Variants in SERGEF observed in about 807,000 individuals in gnomAD.
SERGEF encodes the protein secretion regulating guanine nucleotide exchange factor.
SERGEF carries 51 observed loss-of-function variants against 50.0 expected under a neutral mutation model. The ratio of observed to expected loss-of-function variants is 1.02; its 90% CI spans 0.81 to 1.29. SERGEF has a LOEUF of 1.29. SERGEF is among the 50% of genes most tolerant of loss of function. SERGEF has a pLI of 0.00. For synonymous variants in SERGEF, 205 were observed against 212.4 expected, an observed-to-expected ratio of 0.97 and a Z score of 0.30; for missense variants, 521 against 557.0, an observed-to-expected ratio of 0.94 and a Z score of 0.65.
At chr11:17,862,235 A>C (rs539796999) in intron 10 of SERGEF, among the ~76,000 whole-genome samples, 19 of 152,316 alleles carry the variant, frequency 1.2e-4, no homozygotes, top group African/African-American at 4.3e-4. Context: ...TTCAAGGATC[A>C]TCTCTTCTAA....
At chr11:17,865,101 G>A (rs766140901) in intron 10 of SERGEF, among the ~76,000 whole-genome samples, 1 of 152,126 alleles carries the variant, frequency 6.6e-6, no homozygotes, top group African/African-American at 2.4e-5. Flanking sequence ...GTCAACAACT[G>A]GACCATATAT....
chr11:17,932,491 G>C (rs942083694), intron 9 of SERGEF, among the ~76,000 whole-genome samples: 2 of 152,160 alleles, frequency 1.3e-5, no homozygotes, highest in African/African-American at 4.8e-5. Flanking sequence ...TTTTTGAAAG[G>C]ATGGAAAAAT....
chr11:17,908,733 C>A (rs182642180), intron 9 of SERGEF, among the ~76,000 whole-genome samples: 1 of 152,150 alleles, frequency 6.6e-6, no homozygotes, highest in East Asian at 1.9e-4. Flanking sequence ...GATGGGGGAG[C>A]CTTAATGAAT....
intron 10 of SERGEF, among the ~76,000 whole-genome samples, chr11:17,867,959 C>T (rs915384580): frequency 6.6e-6 from 1 of 152,146 alleles, no homozygotes; most frequent in Non-Finnish European, 1.5e-5. Flanking sequence ...CACCCTGGAC[C>T]CAGCCCAGAA....
At chr11:17,934,339 C>G (rs912323303) in intron 9 of SERGEF, among the ~76,000 whole-genome samples, 3 of 152,156 alleles carry the variant, frequency 2.0e-5, no homozygotes, top group African/African-American at 7.2e-5. Context: ...CTAAACCACC[C>G]CTCAAACAAT....
At chr11:17,917,020 G>T (rs1488802982) in intron 9 of SERGEF, among the ~76,000 whole-genome samples, 1 of 152,148 alleles carries the variant, frequency 6.6e-6, no homozygotes, top group Non-Finnish European at 1.5e-5. Flanking sequence ...ATTCCTTAAA[G>T]AACTAAAAGT....
chr11:17,997,653 A>G (rs1355669778), intron 5 of SERGEF, among the ~76,000 whole-genome samples: 2 of 152,246 alleles, frequency 1.3e-5, no homozygotes, highest in African/African-American at 4.8e-5. Context: ...ATGAATGGTA[A>G]GCAAAACGTG....
At chr11:17,963,054 C>T (rs1344415664) in intron 8 of SERGEF, among the ~76,000 whole-genome samples, 8 of 151,496 alleles carry the variant, frequency 5.3e-5, no homozygotes, top group African/African-American at 1.5e-4. Context: ...TGGTGGCCCA[C>T]GACCGTAGTC....
At chr11:17,905,583 C>A (rs1165016879) in intron 9 of SERGEF, among the ~76,000 whole-genome samples, 1 of 152,174 alleles carries the variant, frequency 6.6e-6, no homozygotes, top group Non-Finnish European at 1.5e-5. Context: ...CCCAGGGCTC[C>A]TTCTCTAATG....
At chr11:17,845,239 G>A (rs1438765641) in intron 10 of SERGEF, among the ~76,000 whole-genome samples, 1 of 151,990 alleles carries the variant, frequency 6.6e-6, no homozygotes, top group African/African-American at 2.4e-5. Flanking sequence ...TTTTTTTATA[G>A]CCTTAGCATA....
At chr11:17,949,897 T>C (rs1355166441) in intron 9 of SERGEF, among the ~76,000 whole-genome samples, 1 of 152,206 alleles carries the variant, frequency 6.6e-6, no homozygotes, top group Non-Finnish European at 1.5e-5. Flanking sequence ...GACATCATCC[T>C]TGTTAGCTAC....
At chr11:17,843,185 A>C (rs1850537133) in intron 10 of SERGEF, among the ~76,000 whole-genome samples, 1 of 152,172 alleles carries the variant, frequency 6.6e-6, no homozygotes, top group Non-Finnish European at 1.5e-5. Context: ...CCTGGGCCTC[A>C]GTGAGAACCT....
intron 7 of SERGEF, among the ~76,000 whole-genome samples, chr11:17,989,544 G>A (rs1044127052): frequency 3.3e-5 from 5 of 152,336 alleles, no homozygotes; most frequent in Non-Finnish European, 5.9e-5. Flanking sequence ...CAGAGAGTAC[G>A]TGCCTATCTA....
At chr11:17,790,767 T>C (rs1268374242) in intron 10 of SERGEF, among the ~76,000 whole-genome samples, 2 of 152,114 alleles carry the variant, frequency 1.3e-5, no homozygotes, top group Admixed American at 6.5e-5. Flanking sequence ...TCATCAACAA[T>C]AGATATGAAT....
chr11:17,934,511 A>G (rs886324258), intron 9 of SERGEF, among the ~76,000 whole-genome samples: 1 of 152,226 alleles, frequency 6.6e-6, no homozygotes, highest in African/African-American at 2.4e-5. Flanking sequence ...CCTCTAGGTC[A>G]GACCACTGCT....
At chr11:17,977,853 C>T (rs892928217) in intron 8 of SERGEF, among the ~76,000 whole-genome samples, 2 of 152,182 alleles carry the variant, frequency 1.3e-5, no homozygotes, top group Non-Finnish European at 2.9e-5. Flanking sequence ...ACCAAATCTT[C>T]TGGTATTTTG....
intron 9 of SERGEF, among the ~76,000 whole-genome samples, chr11:17,944,179 G>A (rs185046406): frequency 1.9e-4 from 29 of 152,132 alleles, no homozygotes; most frequent in Non-Finnish European, 3.8e-4. Context: ...CGCCCGCCTC[G>A]GCCTCCCAAA....
At chr11:17,923,022 C>A (rs946711143) in intron 9 of SERGEF, among the ~76,000 whole-genome samples, 2 of 152,192 alleles carry the variant, frequency 1.3e-5, no homozygotes, top group Non-Finnish European at 1.5e-5. Flanking sequence ...ACGGGGCCAG[C>A]CCTTTCACTT....
At chr11:17,791,858 G>C (rs971492346) in intron 10 of SERGEF, among the ~76,000 whole-genome samples, 21 of 152,312 alleles carry the variant, frequency 1.4e-4, no homozygotes, top group Admixed American at 1.2e-3. Flanking sequence ...TGTTATTGTT[G>C]TTGTCACCTA....
Sources: gnomAD v4.1 joint callset for allele counts (sites outside exome capture counted in the v4.1 genomes callset) on GRCh38, gnomAD v4.1.1 for gene constraint, MANE v1.5 for transcripts, NCBI Gene and HGNC (gene_info 2026-07-23, HGNC 2026-07-21) for gene names.